The following CACNB4 variants were observed in gnomAD, a reference collection of about 807,000 sequenced individuals.
CACNB4 encodes the protein voltage-dependent L-type calcium channel subunit beta-4.
CACNB4 carries 32 observed loss-of-function variants against 71.2 expected under a neutral mutation model. The ratio of observed to expected loss-of-function variants is 0.45; its 90% CI spans 0.34 to 0.60. CACNB4 has a LOEUF of 0.60. CACNB4 is among the 20% of genes least tolerant of loss of function. CACNB4 has a pLI of 0.01. For synonymous variants in CACNB4, 231 were observed against 236.9 expected, an observed-to-expected ratio of 0.97 and a Z score of 0.23; for missense variants, 464 against 647.9, an observed-to-expected ratio of 0.72 and a Z score of 3.08.
intron 2 of CACNB4, among the ~76,000 whole-genome samples, chr2:151,897,342 C>T (rs1193830009): frequency 6.6e-6 from 1 of 152,180 alleles, no homozygotes; most frequent in African/African-American, 2.4e-5. Flanking sequence ...GTGATGGAAT[C>T]GGTCATTTGA....
chr2:151,956,055 G>A (rs766256116), intron 2 of CACNB4, among the ~76,000 whole-genome samples: 41 of 152,174 alleles, frequency 2.7e-4, no homozygotes, highest in African/African-American at 7.2e-4. Context: ...TTGCTTACTC[G>A]TACAAACTGA....
intron 7 of CACNB4, 104 bp downstream of exon 7, chr2:151,870,738 G>T: frequency 2.5e-6 from 3 of 1,204,362 alleles, no homozygotes; most frequent in Non-Finnish European, 1.2e-6. Flanking sequence ...CACCGAGGAG[G>T]CTCTTCCCTT....
chr2:152,007,355 C>G (rs1682788174), intron 2 of CACNB4, among the ~76,000 whole-genome samples: 1 of 152,174 alleles, frequency 6.6e-6, no homozygotes, highest in African/African-American at 2.4e-5. Context: ...ACTCTGTACC[C>G]ATTTAACACT....
At chr2:151,910,836 A>C (rs1336132126) in intron 2 of CACNB4, among the ~76,000 whole-genome samples, 5 of 152,220 alleles carry the variant, frequency 3.3e-5, no homozygotes, top group Non-Finnish European at 7.3e-5. Flanking sequence ...TTCTGTGATG[A>C]ATGTCAATGG....
chr2:151,853,345 T>A (rs1160682230), intron 12 of CACNB4, 103 bp downstream of exon 12: 2 of 660,206 alleles, frequency 3.0e-6, no homozygotes, highest in East Asian at 2.9e-5. Context: ...CAACATACCA[T>A]CATCACCATC....
At chr2:152,081,558 G>T (rs1405512077) in intron 2 of CACNB4, among the ~76,000 whole-genome samples, 3 of 152,070 alleles carry the variant, frequency 2.0e-5, no homozygotes, top group Non-Finnish European at 2.9e-5. Flanking sequence ...CTGGCTTGCA[G>T]ACAGCCACCC....
At position 151,835,231 on chromosome 2, in the gene CACNB4, G is replaced by A. The variant is rs1308953183; in HGVS notation, c.*3888C>T. On this transcript the variant is annotated 3_prime_UTR_variant, in exon 14 of 14. Transcript: ENST00000539935. ...TTTTGTTCCCTATGATGACTTATTT[G>A]TTAAATTAACCTTGCCTCATGATAA... The A allele has an allele frequency of 6.6e-6, 1 of 151,876 alleles. No homozygotes were observed. Among genetic ancestry groups the A allele is most frequent in the Non-Finnish European group, 1.5e-5 (1 of 67,798 alleles). 9.4% of individuals were successfully genotyped at this position (151,876 alleles called of 1,614,324 possible).
intron 2 of CACNB4, among the ~76,000 whole-genome samples, chr2:152,097,347 T>G (rs555446580): frequency 6.6e-6 from 1 of 152,210 alleles, no homozygotes; most frequent in South Asian, 2.1e-4. Flanking sequence ...CTGAGTGACC[T>G]AGAGGGAAAA....
intron 2 of CACNB4, among the ~76,000 whole-genome samples, chr2:152,083,907 G>A (rs2105433175): frequency 6.6e-6 from 1 of 152,266 alleles, no homozygotes; most frequent in Non-Finnish European, 1.5e-5. Context: ...CACTAACTTT[G>A]AAAACGCTTC....
chr2:151,975,192 T>A (rs2099873565), intron 2 of CACNB4, among the ~76,000 whole-genome samples: 1 of 152,224 alleles, frequency 6.6e-6, no homozygotes, highest in African/African-American at 2.4e-5. Flanking sequence ...CTGCAGTTCA[T>A]GGGAGCTCAG....
chr2:152,023,812 C>A (rs138160143), intron 2 of CACNB4, among the ~76,000 whole-genome samples: 11 of 152,342 alleles, frequency 7.2e-5, no homozygotes, highest in African/African-American at 2.4e-4. Context: ...GTGAAAACAA[C>A]AACTTAGGCG....
chr2:151,974,615 C>T (rs750892254), intron 2 of CACNB4, among the ~76,000 whole-genome samples: 5 of 152,144 alleles, frequency 3.3e-5, no homozygotes, highest in Admixed American at 2.0e-4. Context: ...AATGTCTTCA[C>T]GTAAATTCTT....
At chr2:152,058,553 T>C (rs1685844166) in intron 2 of CACNB4, among the ~76,000 whole-genome samples, 1 of 152,202 alleles carries the variant, frequency 6.6e-6, no homozygotes, top group African/African-American at 2.4e-5. Context: ...ACTGGCAGCA[T>C]TTTGCCCCTG....
chr2:151,946,682 T>C (rs540138307), intron 2 of CACNB4, among the ~76,000 whole-genome samples: 46 of 152,124 alleles, frequency 3.0e-4, no homozygotes, highest in African/African-American at 1.1e-3. Context: ...ACCCCAGGGC[T>C]CCAGCAGGGC....
At chr2:151,870,467 C>T (rs777639791) in intron 8 of CACNB4, 64 bp downstream of exon 8, 18 of 1,336,652 alleles carry the variant, frequency 1.3e-5, no homozygotes, top group Middle Eastern at 1.8e-4. Context: ...GAGGAGCAAG[C>T]GTCAACATGA....
In CACNB4 at chr2:152,098,142, G is replaced by T. The variant is rs1688378757; in HGVS notation, c.147+188C>A. On this transcript the variant is annotated intron_variant, in intron 2 of 13. Coordinates refer to ENST00000539935, the MANE Select transcript of CACNB4 (RefSeq NM_000726.5). The surrounding 1 kb of genome is among the most constrained non-coding windows in gnomAD (Gnocchi z 5.3). ...TCCCGGGGCGGTGCGGAGACGCCGG[G>T]ACGCGAAGACGTCAAGAGCCCAGGC... is the stretch of plus-strand genomic sequence containing the variant. Among the ~76,000 whole-genome samples the T allele has an allele frequency of 6.6e-6, 1 of 152,268 alleles. No homozygotes were observed. Among genetic ancestry groups the T allele is most frequent in the Non-Finnish European group, 1.5e-5 (1 of 68,042 alleles).
chr2:151,969,974 C>G (rs928583568), intron 2 of CACNB4: 1 of 152,074 alleles, frequency 6.6e-6, no homozygotes, highest in Non-Finnish European at 1.5e-5. Flanking sequence ...ATCTTTTTCA[C>G]AGGAAAAGAT....
chr2:151,999,876 C>A (rs1421223733), intron 2 of CACNB4, among the ~76,000 whole-genome samples: 2 of 152,176 alleles, frequency 1.3e-5, no homozygotes, highest in African/African-American at 4.8e-5. Flanking sequence ...AAATTCATTT[C>A]TTCCTGTGTA....
chr2:152,009,183 T>G (rs1459702614), intron 2 of CACNB4, among the ~76,000 whole-genome samples: 2 of 141,010 alleles, frequency 1.4e-5, no homozygotes, highest in Non-Finnish European at 3.0e-5. Flanking sequence ...AGTGAGACCC[T>G]GTCTCAAAAA....
Sources: gnomAD v4.1 joint callset for allele counts (sites outside exome capture counted in the v4.1 genomes callset) on GRCh38, gnomAD v4.1.1 for gene constraint, Gnocchi (gnomAD v3.1) non-coding constraint, MANE v1.5 for transcripts, NCBI Gene and HGNC (gene_info 2026-07-23, HGNC 2026-07-21) for gene names.